Variants in OPHN1 observed in about 807,000 individuals in gnomAD.
OPHN1 encodes the protein oligophrenin 1, also known as oligophrenin-1.
In OPHN1, 11 loss-of-function variants were observed where a neutral mutation model predicts 60.7. The observed-to-expected ratio is 0.18, with a 90% CI of 0.11 to 0.30. The LOEUF is 0.30. Among genes scored for constraint, OPHN1 ranks in the 10% least tolerant of loss-of-function variants. The probability of loss-of-function intolerance (pLI) is 1.00; values close to 1 mark genes in which losing one functional copy is unlikely to be tolerated. For synonymous variants in OPHN1, 226 were observed against 222.6 expected, an observed-to-expected ratio of 1.02 and a Z score of -0.14; for missense variants, 449 against 611.0, an observed-to-expected ratio of 0.73 and a Z score of 2.80.
intron 5 of OPHN1, among the ~76,000 whole-genome samples, chrX:68,267,276 A>G (rs187809568): frequency 3.0e-4 from 33 of 111,712 alleles, no homozygotes; most frequent in Admixed American, 1.2e-3. Context: ...ACATAGTTGG[A>G]AGTAAAGCAC....
intron 15 of OPHN1, among the ~76,000 whole-genome samples, chrX:68,167,298 A>T (rs998816878): frequency 8.9e-6 from 1 of 111,978 alleles, no homozygotes; most frequent in African/African-American, 3.2e-5. Context: ...ACAAGGAGAT[A>T]TCATCTTATC....
chrX:68,075,157 A>G (rs189757641), intron 19 of OPHN1, among the ~76,000 whole-genome samples: 1 of 112,401 alleles, frequency 8.9e-6, no homozygotes, highest in Non-Finnish European at 1.9e-5. Context: ...CAGCCCTATG[A>G]GTTTCCCAGC....
At chrX:68,340,123 G>A (rs985342424) in intron 2 of OPHN1, among the ~76,000 whole-genome samples, 5 of 112,159 alleles carry the variant, frequency 4.5e-5, no homozygotes, top group Non-Finnish European at 9.4e-5. Flanking sequence ...ATGTTGTTAA[G>A]ATGGAAATAT....
intron 2 of OPHN1, among the ~76,000 whole-genome samples, chrX:68,377,733 A>C (rs2078568212): frequency 9.1e-6 from 1 of 110,337 alleles, no homozygotes; most frequent in African/African-American, 3.3e-5. Flanking sequence ...TTCCAGTTTC[A>C]TCCATGTCCC....
chrX:68,166,907 A>G (rs2077360928), intron 15 of OPHN1, among the ~76,000 whole-genome samples: 1 of 112,460 alleles, frequency 8.9e-6, no homozygotes, highest in Admixed American at 9.4e-5. Context: ...CTTAAATCTA[A>G]GACCTCAAAC....
intron 21 of OPHN1, among the ~76,000 whole-genome samples, chrX:68,062,052 T>C (rs2076895187): frequency 8.9e-6 from 1 of 112,348 alleles, no homozygotes; most frequent in African/African-American, 3.2e-5. Flanking sequence ...GGTTTCTCTC[T>C]TTTTGTTTTC....
At chrX:68,175,016 G>A (rs1365333043) in intron 15 of OPHN1, among the ~76,000 whole-genome samples, 4 of 109,301 alleles carry the variant, frequency 3.7e-5, no homozygotes, top group Admixed American at 9.9e-5. Context: ...CCTGGGAGGC[G>A]GAGGTTGCAG....
At chrX:68,269,922 G>A (rs1344934548) in intron 5 of OPHN1, among the ~76,000 whole-genome samples, 2 of 111,614 alleles carry the variant, frequency 1.8e-5, no homozygotes, top group Non-Finnish European at 3.8e-5. Context: ...TCAAAAAGTG[G>A]GCAAAGAATA....
chrX:68,071,004 CAG>C (rs1412393486), intron 20 of OPHN1: 2 of 1,127,545 alleles, frequency 1.8e-6, no homozygotes, highest in Admixed American at 2.2e-5. Flanking sequence ...CTTCATCAAA[CAG>C]AGAAGTGCCA....
At chrX:68,211,976 G>T in intron 8 of OPHN1, 132 bp downstream of exon 8, 1 of 518,791 alleles carries the variant, frequency 1.9e-6, no homozygotes, top group South Asian at 2.5e-5. Flanking sequence ...CTAAATATTT[G>T]TGATCCACAC....
chrX:68,395,932 C>A (rs775189128), intron 2 of OPHN1, among the ~76,000 whole-genome samples: 1 of 111,204 alleles, frequency 9.0e-6, no homozygotes, highest in South Asian at 3.8e-4. Flanking sequence ...AAAGTGGAAT[C>A]TTTCCTTCCA....
At chrX:68,265,388 C>G (rs1754737762) in intron 5 of OPHN1, among the ~76,000 whole-genome samples, 1 of 111,929 alleles carries the variant, frequency 8.9e-6, no homozygotes, top group Non-Finnish European at 1.9e-5. Context: ...TGCTGTTCTG[C>G]AACCTCTGCT....
chrX:68,289,486 T>C (rs2078060533), intron 3 of OPHN1, among the ~76,000 whole-genome samples: 1 of 112,382 alleles, frequency 8.9e-6, no homozygotes, highest in Admixed American at 9.4e-5. Context: ...TTGACAAATG[T>C]GGATCAAACA....
At chrX:68,122,051 G>A (rs2077152569) in intron 15 of OPHN1, among the ~76,000 whole-genome samples, 1 of 110,675 alleles carries the variant, frequency 9.0e-6, no homozygotes, top group East Asian at 2.9e-4. Context: ...GGCCTTAGAC[G>A]AAACTTTGTG....
intron 15 of OPHN1, among the ~76,000 whole-genome samples, chrX:68,132,625 A>G (rs2077200428): frequency 1.0e-5 from 1 of 97,179 alleles, no homozygotes; most frequent in African/African-American, 3.8e-5. Flanking sequence ...GGTGCAGCGC[A>G]CCAGCATGGC....
intron 18 of OPHN1, among the ~76,000 whole-genome samples, chrX:68,105,318 A>G (rs2077076746): frequency 9.0e-6 from 1 of 111,137 alleles, no homozygotes; most frequent in Non-Finnish European, 1.9e-5. Context: ...TATATACCCA[A>G]AGGATTATAC....
chrX:68,175,986 A>G (rs1012877217), intron 15 of OPHN1, among the ~76,000 whole-genome samples: 2 of 112,169 alleles, frequency 1.8e-5, no homozygotes, highest in Non-Finnish European at 3.8e-5. Context: ...ACAGTCTTTG[A>G]AACAAATGAT....
At chrX:68,352,021 T>C (rs1406209378) in intron 2 of OPHN1, among the ~76,000 whole-genome samples, 1 of 108,903 alleles carries the variant, frequency 9.2e-6, no homozygotes, top group Admixed American at 1.0e-4. Flanking sequence ...GGACTACAGT[T>C]GCCCGCCACC....
At chrX:68,156,522 C>T (rs993796784) in intron 15 of OPHN1, among the ~76,000 whole-genome samples, 4 of 110,838 alleles carry the variant, frequency 3.6e-5, no homozygotes, top group African/African-American at 1.3e-4. Flanking sequence ...AGCCCAAACC[C>T]TTCAGCAGTG....
Sources: allele counts gnomAD v4.1 joint callset (sites outside exome capture counted in the v4.1 genomes callset), GRCh38; gene constraint gnomAD v4.1.1; transcripts MANE v1.5; gene names NCBI Gene and HGNC (gene_info 2026-07-23, HGNC 2026-07-21).